EDC3: variants seen among roughly 807,000 people sequenced by gnomAD.
EDC3 encodes enhancer of mRNA decapping 3, also known as enhancer of mRNA-decapping protein 3.
Under a neutral mutation model 41.8 loss-of-function variants are expected in EDC3, and 20 were observed. That is an observed-to-expected ratio of 0.48 (90% CI 0.34 to 0.70). EDC3 has a LOEUF of 0.70. Among genes scored for constraint, EDC3 ranks in the 30% least tolerant of loss-of-function variants. The probability of loss-of-function intolerance (pLI) is 0.01; values close to 1 mark genes in which losing one functional copy is unlikely to be tolerated. For synonymous variants in EDC3, 206 were observed against 243.2 expected (o/e 0.85, Z 1.42); for missense variants, 444 against 636.8 (o/e 0.70, Z 3.26).
intron 3 of EDC3, among the ~76,000 whole-genome samples, chr15:74,659,785 G>C (rs2062599720): frequency 6.6e-6 from 1 of 152,070 alleles, no homozygotes; most frequent in Admixed American, 6.6e-5. Flanking sequence ...GGTGGCTCAT[G>C]CCTGTAATCC....
chr15:74,692,124 T>C (rs887351247), intron 1 of EDC3, among the ~76,000 whole-genome samples: 1 of 152,144 alleles, frequency 6.6e-6, no homozygotes, highest in Non-Finnish European at 1.5e-5. Flanking sequence ...CGGCCACATA[T>C]TGTCTATGGC....
At chr15:74,665,280 T>C (rs1202207576) in intron 3 of EDC3, among the ~76,000 whole-genome samples, 1 of 152,118 alleles carries the variant, frequency 6.6e-6, no homozygotes, top group African/African-American at 2.4e-5. Flanking sequence ...CCCACCTCAG[T>C]CTCCCAAAGT....
In EDC3 at chr15:74,635,200, G is replaced by T. The variant is rs912526648; in HGVS notation, c.1192+209C>A. On this transcript the variant is annotated intron_variant, in intron 6 of 6. Coordinates refer to ENST00000315127, the MANE Select transcript of EDC3 (RefSeq NM_025083.5). ...CGAATATTTGTGGAATGGACCAATG[G>T]GTCCCCAGCTCTTCATGTGAGTAGT... 3 of 699,054 alleles carry T rather than the reference G, an allele frequency of 4.3e-6. No individual in the cohort carries two copies. In the African/African-American group the frequency reaches 5.2e-5, roughly 12 times the overall value. 43.3% of individuals were successfully genotyped at this position (699,054 alleles called of 1,614,324 possible).
chr15:74,668,729 TGAAA>T (rs10660702), intron 3 of EDC3, among the ~76,000 whole-genome samples: 243 of 140,356 alleles, frequency 1.7e-3, no homozygotes, highest in Middle Eastern at 3.4e-3. Flanking sequence ...CAAAAATGAA[TGAAA>T]GAAAGAAAGA....
At chr15:74,680,759 A>G (rs1227624096) in intron 1 of EDC3, among the ~76,000 whole-genome samples, 8 of 152,242 alleles carry the variant, frequency 5.3e-5, no homozygotes, top group Admixed American at 5.2e-4. Context: ...AAAAAGTCTT[A>G]GAACAAGTGA....
At chr15:74,676,284 G>C (rs1309188023) in intron 1 of EDC3, among the ~76,000 whole-genome samples, 1 of 152,130 alleles carries the variant, frequency 6.6e-6, no homozygotes, top group Non-Finnish European at 1.5e-5. Flanking sequence ...AACTTTAAGT[G>C]CTTGTTAGGA....
chr15:74,650,528 G>C (rs918115547), intron 4 of EDC3, among the ~76,000 whole-genome samples: 1 of 152,084 alleles, frequency 6.6e-6, no homozygotes, highest in African/African-American at 2.4e-5. Context: ...AACACCTAGT[G>C]CACTTAATGT....
At chr15:74,680,067 C>T (rs141997868) in intron 1 of EDC3, 8 of 151,972 alleles carry the variant, frequency 5.3e-5, no homozygotes, top group Admixed American at 2.6e-4. Flanking sequence ...TCAAGACCAT[C>T]TTAGCTAACA....
At chr15:74,649,950 C>G (rs954048740) in intron 4 of EDC3, among the ~76,000 whole-genome samples, 6 of 152,162 alleles carry the variant, frequency 3.9e-5, no homozygotes, top group African/African-American at 1.2e-4. Context: ...TTCTTCCTGC[C>G]TCACAGGTTC....
At chr15:74,681,177 G>A (rs935423303) in intron 1 of EDC3, among the ~76,000 whole-genome samples, 3 of 152,018 alleles carry the variant, frequency 2.0e-5, no homozygotes, top group Admixed American at 1.3e-4. Context: ...TTTTTGAGAC[G>A]GAGACTCACT....
At chr15:74,666,702 T>C (rs2062680198) in intron 3 of EDC3, among the ~76,000 whole-genome samples, 1 of 152,122 alleles carries the variant, frequency 6.6e-6, no homozygotes, top group African/African-American at 2.4e-5. Context: ...GTGGGGGAAG[T>C]TGAACAGGTA....
intron 4 of EDC3, among the ~76,000 whole-genome samples, chr15:74,649,444 A>ATTC (rs1384421420): frequency 1.3e-5 from 2 of 152,082 alleles, no homozygotes; most frequent in African/African-American, 4.8e-5. Context: ...GTATATTTAC[A>ATTC]TATTTGGTTC....
intron 3 of EDC3, 29 bp from the exon 4 acceptor site, chr15:74,656,097 T>C (rs780950249): frequency 3.2e-6 from 5 of 1,581,024 alleles, no homozygotes; most frequent in Admixed American, 1.8e-5. Context: ...CTAAAGTCAG[T>C]GTATCCACAG....
In EDC3 at chr15:74,631,789, C is replaced by T. The variant is rs2062212431; in HGVS notation, c.*823G>A. On this transcript the variant is annotated 3_prime_UTR_variant, in exon 7 of 7. Coordinates refer to ENST00000315127, the MANE Select transcript of EDC3 (RefSeq NM_025083.5). ...CCAGGGATATCCCCATCTGAGGGGT[C>T]TGGCCCCAGACTAGGCAAAGGCTCA... The T allele has an allele frequency of 6.5e-6, 1 of 152,858 alleles. No individual in the cohort carries two copies. The highest frequency in any genetic ancestry group is 1.5e-5 in the Non-Finnish European group (1 of 68,288). 9.5% of individuals were successfully genotyped at this position (152,858 alleles called of 1,614,324 possible).
chr15:74,651,357 G>A (rs1419744978), intron 4 of EDC3, among the ~76,000 whole-genome samples: 1 of 152,180 alleles, frequency 6.6e-6, no homozygotes, highest in Non-Finnish European at 1.5e-5. Context: ...GGAATTTCCA[G>A]AGAGAAAAAA....
chr15:74,694,064 A>T (rs1238414380), intron 1 of EDC3, among the ~76,000 whole-genome samples: 1 of 152,022 alleles, frequency 6.6e-6, no homozygotes, highest in African/African-American at 2.4e-5. Context: ...CACTCCTTTG[A>T]GCCACAATTT....
intron 4 of EDC3, among the ~76,000 whole-genome samples, chr15:74,651,307 G>C (rs186582261): frequency 2.0e-5 from 3 of 152,236 alleles, no homozygotes; most frequent in Non-Finnish European, 4.4e-5. Flanking sequence ...CTGATGATCC[G>C]TGACTGCGGG....
chr15:74,635,764 G>C (rs1437549990), intron 5 of EDC3, 138 bp from the exon 6 acceptor site: 3 of 796,230 alleles, frequency 3.8e-6, no homozygotes, highest in Non-Finnish European at 5.9e-6. Flanking sequence ...TCCAGAGGGG[G>C]ACAAAATCCA....
chr15:74,675,749 C>CG (rs1446607809), intron 1 of EDC3, among the ~76,000 whole-genome samples: 1 of 150,846 alleles, frequency 6.6e-6, no homozygotes, highest in African/African-American at 2.4e-5. Flanking sequence ...GGCGTGGTGG[C>CG]GGGTGCCTGT....
Sources: allele counts gnomAD v4.1 joint callset (sites outside exome capture counted in the v4.1 genomes callset), GRCh38; gene constraint gnomAD v4.1.1; transcripts MANE v1.5; gene names NCBI Gene and HGNC (gene_info 2026-07-23, HGNC 2026-07-21).